The following NRG1 variants were observed in gnomAD, a reference collection of about 807,000 sequenced individuals.
The protein encoded by NRG1 is neuregulin 1.
In NRG1, 18 loss-of-function variants were observed where a neutral mutation model predicts 63.8. That is an observed-to-expected ratio of 0.28 (90% confidence interval 0.19 to 0.42). The LOEUF (loss-of-function observed/expected upper bound fraction) is 0.42. Ranked by LOEUF, NRG1 falls within the 10% of genes least tolerant of loss-of-function variation. NRG1 has a pLI of 1.00. For missense variants in NRG1, 762 were observed against 814.7 expected (o/e 0.94, Z 0.79); for synonymous variants, 302 against 301.3 (o/e 1.00, Z -0.02).
chr8:32,464,095 C>T (rs551620517), intron 1 of NRG1, among the ~76,000 whole-genome samples: 11 of 151,250 alleles, frequency 7.3e-5, no homozygotes, highest in East Asian at 2.0e-4. Flanking sequence ...GGAGTTTCAC[C>T]GTGTTGGCCA....
chr8:32,480,306 G>A (rs1563521400), intron 1 of NRG1, among the ~76,000 whole-genome samples: 1 of 152,054 alleles, frequency 6.6e-6, no homozygotes, highest in Admixed American at 6.6e-5. Flanking sequence ...CTAGGAGAGA[G>A]ATAGGGAAGG....
chr8:31,823,187 T>G (rs192836190), intron 1 of NRG1, among the ~76,000 whole-genome samples: 13 of 144,286 alleles, frequency 9.0e-5, no homozygotes, highest in Middle Eastern at 3.9e-3. Flanking sequence ...CAAAACAATG[T>G]CAGCAGGACA....
intron 1 of NRG1, among the ~76,000 whole-genome samples, chr8:31,911,377 A>G (rs1013735304): frequency 1.3e-5 from 2 of 152,250 alleles, no homozygotes; most frequent in Non-Finnish European, 2.9e-5. Context: ...AATGTGGTAC[A>G]TATACACTAC....
At chr8:32,385,599 A>G (rs976941587) in intron 1 of NRG1, among the ~76,000 whole-genome samples, 2 of 152,134 alleles carry the variant, frequency 1.3e-5, no homozygotes, top group African/African-American at 4.8e-5. Context: ...GTAGGAACAG[A>G]AGCAAGAAAG....
chr8:32,180,118 C>A lies in NRG1; in HGVS notation c.38-415710C>A, dbSNP rs1841274917. On this transcript the variant is annotated intron_variant, in intron 1 of 10. Coordinates refer to the NRG1 transcript ENST00000519301. The stretch of plus-strand genomic sequence containing the variant: ...AAAATGTTTTGCCTTGCCAAAGAAC[C>A]ATCTAATTCCTTCTCAGGTCTTTTT... Among the ~76,000 whole-genome samples the A allele has an allele frequency of 2.6e-5, 4 of 152,026 alleles. No individual in the cohort carries two copies. The South Asian group carries it at 8.3e-4, about 32-fold the overall frequency.
rs193202258 is a variant in NRG1 at position 32,605,466 on chromosome 8, G to T, written c.279-96G>T. ...TAACATATGTATAAGGTGGGGAGAG[G>T]CAGTTTGAGAACTCTGAAAGCATAG... On this transcript the variant is annotated intron_variant, in intron 2 of 11. Coordinates refer to ENST00000356819, the Ensembl canonical transcript of NRG1. 6,069 of 1,384,552 alleles carry T rather than the reference G, an allele frequency of 4.4e-3. 22 individuals are homozygous for T. Among genetic ancestry groups the T allele is most frequent in the Non-Finnish European group, 5.6e-3 (5,518 of 989,650 alleles). 85.8% of individuals were successfully genotyped at this position (1,384,552 alleles called of 1,614,324 possible). A position where few individuals can be genotyped will look rare whatever the true frequency, so the allele number is the denominator to read the frequency against.
intron 1 of NRG1, among the ~76,000 whole-genome samples, chr8:32,156,651 T>C (rs1288073947): frequency 6.6e-6 from 1 of 152,204 alleles, no homozygotes; most frequent in Non-Finnish European, 1.5e-5. Context: ...CAAAATTTGG[T>C]GTTAAAAGAA....
intron 1 of NRG1, among the ~76,000 whole-genome samples, chr8:31,983,262 A>T (rs1809478430): frequency 6.6e-6 from 1 of 152,124 alleles, no homozygotes; most frequent in South Asian, 2.1e-4. Context: ...CTATCTTTGG[A>T]AAATTTTAAG....
At chr8:32,068,138 T>G (rs980651577) in intron 1 of NRG1, among the ~76,000 whole-genome samples, 1 of 151,202 alleles carries the variant, frequency 6.6e-6, no homozygotes, top group African/African-American at 2.4e-5. Context: ...AAGGCCTGAG[T>G]TCTCATCATT....
Position 31,640,486 on chromosome 8 carries a change from T to A in NRG1, c.37+1055T>A, listed in dbSNP as rs1475756374. On this transcript the variant is annotated intron_variant, in intron 1 of 10. Transcript: ENST00000519301. The surrounding 1 kb of genome is among the most constrained non-coding windows in gnomAD (Gnocchi z 6.3). Reference sequence around the variant, plus strand: ...CTATCTGGTGAAGGTGCACCAGGTGTGGGCGGTGAAAGCCGGGGGCTTGAA... The same window carrying A: ...CTATCTGGTGAAGGTGCACCAGGTGAGGGCGGTGAAAGCCGGGGGCTTGAA... 1 of 1,608,482 alleles carries A rather than the reference T, an allele frequency of 6.2e-7. No homozygotes were observed. Among genetic ancestry groups the A allele is most frequent in the East Asian group, 2.2e-5 (1 of 44,596 alleles).
At chr8:32,766,320 C>CG (rs1402553840) in exon 12 of NRG1, 1 of 152,158 alleles carries the variant, frequency 6.6e-6, no homozygotes, top group Non-Finnish European at 1.5e-5. Context: ...TCACATGCCA[C>CG]TTTCTCTGTG....
At chr8:32,558,088 AC>A (rs927238405) in intron 1 of NRG1, among the ~76,000 whole-genome samples, 28 of 152,324 alleles carry the variant, frequency 1.8e-4, no homozygotes, top group African/African-American at 6.5e-4. Context: ...GGCAGAAAAG[AC>A]AAGGACCGCT....
Position 32,409,473 on chromosome 8 carries a change from A to C in NRG1, c.38-186355A>C, listed in dbSNP as rs73675178. Reference sequence around the variant, plus strand: ...ATAATCAACAAAGTTAACACTCAACATACAGGATGGGTGAAAATACTTGCA... The same window carrying C: ...ATAATCAACAAAGTTAACACTCAACCTACAGGATGGGTGAAAATACTTGCA... On this transcript the variant is annotated intron_variant, in intron 1 of 10. Transcript: ENST00000519301. Among the ~76,000 whole-genome samples, 968 of 152,342 alleles carry C rather than the reference A, an allele frequency of 6.4e-3. 11 individuals carry two copies. The highest frequency in any genetic ancestry group is 0.022 in the African/African-American group (930 of 41,576).
chr8:31,983,897 A>G (rs1809595881), intron 1 of NRG1, among the ~76,000 whole-genome samples: 1 of 152,090 alleles, frequency 6.6e-6, no homozygotes, highest in Admixed American at 6.6e-5. Flanking sequence ...GAAATTGTCC[A>G]TGAAAAAGGA....
At chr8:32,151,959 C>A (rs185130701) in intron 1 of NRG1, among the ~76,000 whole-genome samples, 3 of 152,182 alleles carry the variant, frequency 2.0e-5, no homozygotes, top group African/African-American at 7.2e-5. Flanking sequence ...AAATTCCTAG[C>A]CCCATCTAGA....
chr8:32,200,300 T>C (rs6981603), intron 1 of NRG1, among the ~76,000 whole-genome samples: 5,016 of 152,310 alleles, frequency 0.033, 126 homozygotes, highest in African/African-American at 0.063. Context: ...TTGCTCTTGA[T>C]GGTTTTAATG....
chr8:31,715,205 A>G (rs1812232791), intron 1 of NRG1, among the ~76,000 whole-genome samples: 3 of 152,192 alleles, frequency 2.0e-5, no homozygotes, highest in Non-Finnish European at 4.4e-5. Context: ...ATAGAATGCA[A>G]TTAGAGAATA....
chr8:32,139,306 C>T (rs1046532427), intron 1 of NRG1: 9 of 152,166 alleles, frequency 5.9e-5, no homozygotes, highest in Non-Finnish European at 1.2e-4. Context: ...AAGGCAAACA[C>T]CTGGGGGAGA....
chr8:32,133,255 A>C (rs976819524), intron 1 of NRG1, among the ~76,000 whole-genome samples: 1 of 152,070 alleles, frequency 6.6e-6, no homozygotes, highest in Non-Finnish European at 1.5e-5. Flanking sequence ...TGGTGTAACA[A>C]TCAGCTCCTA....
Sources: allele counts gnomAD v4.1 joint callset (sites outside exome capture counted in the v4.1 genomes callset), GRCh38; gene constraint gnomAD v4.1.1; non-coding constraint Gnocchi (gnomAD v3.1); transcripts MANE v1.5; gene names NCBI Gene and HGNC (gene_info 2026-07-23, HGNC 2026-07-21).